BLNK: variants seen among roughly 807,000 people sequenced by gnomAD.
BLNK encodes the protein B-cell linker protein.
BLNK carries 29 observed loss-of-function variants against 73.5 expected under a neutral mutation model. The observed-to-expected ratio is 0.39, with a 90% CI of 0.29 to 0.54. The LOEUF is 0.54. BLNK is among the 20% of genes least tolerant of loss of function. The pLI, the probability that BLNK is intolerant of heterozygous loss-of-function variation, is 0.61. For missense variants in BLNK, 460 were observed against 562.8 expected (o/e 0.82, Z 1.85); for synonymous variants, 176 against 200.8 (o/e 0.88, Z 1.04).
At position 96,216,460 on chromosome 10, in the gene BLNK, G is replaced by A. The variant is rs1394035788; in HGVS notation, c.607+193C>T. ...GAAGAGGAAGGGGAAGGCAGGGAAG[G>A]GCTATGATACACAGAGATGGGTTGT... is the stretch of plus-strand genomic sequence containing the variant. On this transcript the variant is annotated intron_variant, in intron 7 of 16. Transcript: ENST00000224337. The A allele has an allele frequency of 1.0e-4, 64 of 629,754 alleles. No individual in the cohort carries two copies. The East Asian group carries it at 1.7e-3, about 17-fold the overall frequency. The allele number at this position is 629,754 out of a possible 1,614,324, so 39.0% of individuals were successfully genotyped here. A position where few individuals can be genotyped will look rare whatever the true frequency, so the allele number is the denominator to read the frequency against.
chr10:96,224,089 T>A, intron 5 of BLNK, 100 bp from the exon 6 acceptor site: 1 of 1,378,490 alleles, frequency 7.3e-7, no homozygotes, highest in Non-Finnish European at 1.0e-6. Context: ...CACGGGTGTC[T>A]ATGTAGCCAC....
chr10:96,224,099 CA>C (rs1554901879), intron 5 of BLNK, 110 bp from the exon 6 acceptor site: 1 of 1,264,670 alleles, frequency 7.9e-7, no homozygotes, highest in African/African-American at 1.5e-5. Flanking sequence ...TATGTAGCCA[CA>C]AATGATCCAC....
chr10:96,203,853 T>C, intron 13 of BLNK: 1 of 428,710 alleles, frequency 2.3e-6, no homozygotes, highest in East Asian at 3.6e-5. Flanking sequence ...AAAGTAAAAA[T>C]TGCCTCAAAT....
At chr10:96,215,265 T>A in intron 8 of BLNK, 56 bp downstream of exon 8, 1 of 1,518,760 alleles carries the variant, frequency 6.6e-7, no homozygotes, top group Non-Finnish European at 9.1e-7. Context: ...ATAGTTGATC[T>A]GTTTTTCTTA....
At chr10:96,241,720 C>T (rs1481280362) in intron 3 of BLNK, among the ~76,000 whole-genome samples, 1 of 139,414 alleles carries the variant, frequency 7.2e-6, no homozygotes, top group Non-Finnish European at 1.6e-5. Flanking sequence ...ATTGTAATTA[C>T]TTTTCTTTTC....
intron 5 of BLNK, among the ~76,000 whole-genome samples, chr10:96,224,825 G>A (rs587743122): frequency 6.6e-6 from 1 of 152,262 alleles, no homozygotes; most frequent in Non-Finnish European, 1.5e-5. Flanking sequence ...AGCCTCTGAA[G>A]TAGCTGGGAT....
chr10:96,210,868 T>TG lies in BLNK; in HGVS notation c.677-962_677-961insC, dbSNP rs1197768421. ...ACATACAAGTCCACAATTCCGTTTT[T>TG]TTTTTTTTTTTTTTTTTTGAGACAG... On this transcript the variant is annotated intron_variant, in intron 8 of 16. Coordinates refer to ENST00000224337, the MANE Select transcript of BLNK (RefSeq NM_013314.4). 8.1e-3 allele frequency among the ~76,000 whole-genome samples: 1,150 copies of TG among 142,828 alleles called. 22 individuals are homozygous for TG. The highest frequency in any genetic ancestry group is 0.024 in the African/African-American group (879 of 36,222). The allele number at this position is 142,828 out of a possible 152,430, so 93.7% of individuals were successfully genotyped here.
chr10:96,254,794 A>T (rs1250529894), intron 1 of BLNK, among the ~76,000 whole-genome samples: 3 of 152,158 alleles, frequency 2.0e-5, no homozygotes, highest in Non-Finnish European at 4.4e-5. Context: ...TACAGGCATG[A>T]GCCACCACAC....
At chr10:96,211,145 T>C (rs1554898637) in intron 8 of BLNK, among the ~76,000 whole-genome samples, 1 of 152,184 alleles carries the variant, frequency 6.6e-6, no homozygotes. Flanking sequence ...ATTACAGGAA[T>C]GAGCCACGGT....
chr10:96,227,284 C>G, intron 5 of BLNK, 126 bp downstream of exon 5: 1 of 1,275,170 alleles, frequency 7.8e-7, no homozygotes, highest in Non-Finnish European at 1.1e-6. Flanking sequence ...TTGGAGGTGG[C>G]GGGAGCGGGC....
At chr10:96,256,432 G>T (rs1338206585) in intron 1 of BLNK, among the ~76,000 whole-genome samples, 2 of 151,968 alleles carry the variant, frequency 1.3e-5, no homozygotes, top group African/African-American at 2.4e-5. Flanking sequence ...TCATCATTAG[G>T]TCTGCTGATT....
intron 1 of BLNK, among the ~76,000 whole-genome samples, chr10:96,265,173 G>C (rs1843944600): frequency 7.3e-6 from 1 of 137,544 alleles, no homozygotes; most frequent in Non-Finnish European, 1.6e-5. Flanking sequence ...TGTAGAGATG[G>C]GTGTCTCATT....
intron 16 of BLNK, among the ~76,000 whole-genome samples, chr10:96,192,564 CAAAT>C (rs2083355458): frequency 6.6e-6 from 1 of 152,062 alleles, no homozygotes. Context: ...CTTTTTTAAA[CAAAT>C]AAAGAAAGCT....
At chr10:96,269,787 C>T (rs1389008579) in intron 1 of BLNK, among the ~76,000 whole-genome samples, 1 of 152,178 alleles carries the variant, frequency 6.6e-6, no homozygotes, top group Non-Finnish European at 1.5e-5. Context: ...GTCCCACATT[C>T]CCTACTCTTT....
intron 3 of BLNK, among the ~76,000 whole-genome samples, chr10:96,240,106 C>T (rs1842837020): frequency 6.6e-6 from 1 of 152,236 alleles, no homozygotes; most frequent in Non-Finnish European, 1.5e-5. Context: ...TTGCACTCTT[C>T]CATCTTCCCT....
chr10:96,265,949 ATTGCC>A (rs1408160451), intron 1 of BLNK, among the ~76,000 whole-genome samples: 3 of 152,202 alleles, frequency 2.0e-5, no homozygotes, highest in African/African-American at 7.2e-5. Context: ...TGGGGACAAA[ATTGCC>A]CCTGATGGAG....
intron 7 of BLNK, 101 bp from the exon 8 acceptor site, chr10:96,215,490 G>A (rs1554899656): frequency 9.2e-7 from 1 of 1,091,482 alleles, no homozygotes. Flanking sequence ...GAAAAATGAT[G>A]ACCAGACCAG....
intron 13 of BLNK, 110 bp downstream of exon 13, chr10:96,203,947 A>G: frequency 1.2e-6 from 1 of 828,624 alleles, no homozygotes; most frequent in South Asian, 1.6e-5. Flanking sequence ...AGAAGATGCC[A>G]GGATAACGCA....
intron 1 of BLNK, among the ~76,000 whole-genome samples, chr10:96,258,657 G>A (rs932594100): frequency 2.6e-4 from 39 of 152,102 alleles, no homozygotes; most frequent in Admixed American, 1.9e-3. Context: ...CCATAGTTCA[G>A]AGCTGTGATT....
Sources: gnomAD v4.1 joint callset for allele counts (sites outside exome capture counted in the v4.1 genomes callset) on GRCh38, gnomAD v4.1.1 for gene constraint, MANE v1.5 for transcripts, NCBI Gene and HGNC (gene_info 2026-07-23, HGNC 2026-07-21) for gene names.